Variants in RBM18 observed in about 807,000 individuals in gnomAD.
RBM18 encodes probable RNA-binding protein 18.
RBM18 carries 18 observed loss-of-function variants against 26.4 expected under a neutral mutation model. The observed-to-expected ratio is 0.68, with a 90% CI of 0.47 to 1.01. RBM18 has a LOEUF of 1.01. RBM18 is among the 50% of genes least tolerant of loss of function. The pLI is 0.00. For synonymous variants in RBM18, 74 were observed against 81.1 expected (o/e 0.91, Z 0.47); for missense variants, 180 against 219.2 (o/e 0.82, Z 1.13).
chr9:122,245,349 T>G lies in RBM18; in HGVS notation c.328-8A>C. On this transcript the variant is annotated splice_region_variant and splice_polypyrimidine_tract_variant and intron_variant, in intron 4 of 5. Transcript: ENST00000417201. ...CTTGTTATGATCATATCTCTGAAAATGAGAAATAGAGAAATTACTTCACAT... is the reference window on the plus strand; with the variant it reads ...CTTGTTATGATCATATCTCTGAAAAGGAGAAATAGAGAAATTACTTCACAT... The G allele has an allele frequency of 6.3e-7, 1 of 1,577,564 alleles. No homozygotes were observed. The highest frequency in any genetic ancestry group is 1.1e-5 in the South Asian group (1 of 90,256).
intron 2 of RBM18, 86 bp downstream of exon 2, chr9:122,261,294 C>T: frequency 2.2e-6 from 2 of 897,714 alleles, no homozygotes; most frequent in South Asian, 2.7e-5. Flanking sequence ...TAAGTATATC[C>T]CACACCCCTT....
chr9:122,249,172 A>T (rs1831556160), intron 3 of RBM18, among the ~76,000 whole-genome samples: 1 of 152,180 alleles, frequency 6.6e-6, no homozygotes, highest in African/African-American at 2.4e-5. Context: ...TCATATATTT[A>T]AAAATATTAT....
At chr9:122,249,833 G>A (rs1334987341) in intron 3 of RBM18, among the ~76,000 whole-genome samples, 1 of 151,880 alleles carries the variant, frequency 6.6e-6, no homozygotes, top group Non-Finnish European at 1.5e-5. Flanking sequence ...CACTCTGGGA[G>A]GCAGAGAAGG....
chr9:122,253,720 TAA>T (rs574918085), intron 2 of RBM18, among the ~76,000 whole-genome samples: 48 of 131,032 alleles, frequency 3.7e-4, no homozygotes, highest in Non-Finnish European at 3.1e-4. Context: ...AACCTATTCT[TAA>T]AAAAAAAAAA....
chr9:122,263,218 C>T (rs569390141), intron 1 of RBM18, among the ~76,000 whole-genome samples: 58 of 152,288 alleles, frequency 3.8e-4, no homozygotes, highest in African/African-American at 1.3e-3. Flanking sequence ...TTATTGAATA[C>T]CCTGCACATG....
At chr9:122,259,746 T>C (rs1307289492) in intron 2 of RBM18, among the ~76,000 whole-genome samples, 1 of 152,098 alleles carries the variant, frequency 6.6e-6, no homozygotes, top group African/African-American at 2.4e-5. Flanking sequence ...CAGGCTGGAG[T>C]GCAGTGGCAC....
chr9:122,255,238 T>C (rs1047717659), intron 2 of RBM18, among the ~76,000 whole-genome samples: 1 of 152,332 alleles, frequency 6.6e-6, no homozygotes, highest in South Asian at 2.1e-4. Flanking sequence ...TATGGTCTTA[T>C]TGTGCTTCCA....
Position 122,245,240 on chromosome 9 carries a change from T to A in RBM18, c.413+16A>T. ...GCTCCTGAATTACTGTGTCTTTCTA[T>A]AGTACATCATCTTACCTTAGGTTAG... is the stretch of plus-strand genomic sequence containing the variant. On this transcript the variant is annotated intron_variant, in intron 5 of 5. Transcript: ENST00000417201. 6.8e-7 allele frequency: 1 copy of A among 1,473,778 alleles called. No individual in the cohort carries two copies. The highest frequency in any genetic ancestry group is 9.5e-7 in the Non-Finnish European group (1 of 1,055,860). The allele number at this position is 1,473,778 out of a possible 1,614,324, so 91.3% of individuals were successfully genotyped here.
chr9:122,264,496 T>C (rs1403244749), intron 1 of RBM18: 1 of 152,238 alleles, frequency 6.6e-6, no homozygotes, highest in African/African-American at 2.4e-5. Context: ...CACCTGATCC[T>C]AACAGCAAGC....
At chr9:122,258,518 C>T (rs1411093670) in intron 2 of RBM18, among the ~76,000 whole-genome samples, 1 of 152,128 alleles carries the variant, frequency 6.6e-6, no homozygotes, top group Admixed American at 6.5e-5. Flanking sequence ...TCACCCGCCT[C>T]GGCCTCCCAA....
chr9:122,245,440 G>A, intron 4 of RBM18, 99 bp from the exon 5 acceptor site: 1 of 673,028 alleles, frequency 1.5e-6, no homozygotes, highest in Non-Finnish European at 2.6e-6. Context: ...TATATCATCA[G>A]CTTACTTCTA....
chr9:122,263,892 A>G (rs1342238558), intron 1 of RBM18, among the ~76,000 whole-genome samples: 1 of 152,238 alleles, frequency 6.6e-6, no homozygotes. Context: ...CACCTTTAGC[A>G]AGTCACATGA....
intron 2 of RBM18, among the ~76,000 whole-genome samples, chr9:122,260,962 G>A (rs1831782905): frequency 6.6e-6 from 1 of 152,096 alleles, no homozygotes; most frequent in Non-Finnish European, 1.5e-5. Flanking sequence ...TTCTATGGCT[G>A]CTTAATATGA....
intron 3 of RBM18, among the ~76,000 whole-genome samples, chr9:122,250,695 T>C (rs1277389432): frequency 1.3e-5 from 2 of 152,138 alleles, no homozygotes; most frequent in Non-Finnish European, 2.9e-5. Context: ...GATAATATGA[T>C]TCCATTTGTG....
chr9:122,246,456 T>C (rs1359100262), intron 4 of RBM18, among the ~76,000 whole-genome samples: 3 of 152,244 alleles, frequency 2.0e-5, no homozygotes, highest in Admixed American at 2.0e-4. Context: ...TTCTCTTGCG[T>C]GCCTTTTCAA....
intron 2 of RBM18, among the ~76,000 whole-genome samples, chr9:122,252,562 A>G (rs536614081): frequency 4.6e-5 from 7 of 152,360 alleles, no homozygotes; most frequent in African/African-American, 1.7e-4. Context: ...ATACTTCCAC[A>G]GCACTTGAGA....
chr9:122,259,204 C>A (rs1285233836), intron 2 of RBM18, among the ~76,000 whole-genome samples: 1 of 152,046 alleles, frequency 6.6e-6, no homozygotes, highest in Non-Finnish European at 1.5e-5. Context: ...CCATTTGAAC[C>A]TTCCCGTCAA....
rs1479433356 is a variant in RBM18, at chr9:122,239,856, A to C, written c.*2028T>G. The C allele has an allele frequency of 6.6e-6, 1 of 152,210 alleles. No individual in the cohort carries two copies. Among genetic ancestry groups the C allele is most frequent in the East Asian group, 1.9e-4 (1 of 5,200 alleles). 9.4% of individuals were successfully genotyped at this position (152,210 alleles called of 1,614,324 possible). On this transcript the variant is annotated 3_prime_UTR_variant, in exon 6 of 6. Transcript: ENST00000417201. Reference sequence around the variant, plus strand: ...TAAAGGGTAAAGAGAGTTGCCTCTCAGTTTGACTCTCTAGCCAGAACCCTC... The same window carrying C: ...TAAAGGGTAAAGAGAGTTGCCTCTCCGTTTGACTCTCTAGCCAGAACCCTC...
chr9:122,254,123 T>A (rs1304920262), intron 2 of RBM18, among the ~76,000 whole-genome samples: 2 of 151,744 alleles, frequency 1.3e-5, no homozygotes. Context: ...ATCTTTTCAT[T>A]AGCTCCATTC....
Sources: allele counts gnomAD v4.1 joint callset (sites outside exome capture counted in the v4.1 genomes callset), GRCh38; gene constraint gnomAD v4.1.1; transcripts MANE v1.5; gene names NCBI Gene and HGNC (gene_info 2026-07-23, HGNC 2026-07-21).